Variants in TMEM63B observed in about 807,000 individuals in gnomAD.
TMEM63B encodes transmembrane protein 63B, also known as mechanosensitive cation channel TMEM63B.
A neutral mutation model predicts 102.6 loss-of-function variants in TMEM63B; 23 were observed. That is an observed-to-expected ratio of 0.22 (90% confidence interval 0.16 to 0.32). TMEM63B has a LOEUF of 0.32. TMEM63B is among the 10% of genes least tolerant of loss of function. TMEM63B has a pLI of 1.00. For synonymous variants in TMEM63B, 444 were observed against 437.0 expected (o/e 1.02, Z -0.20); for missense variants, 628 against 1,095.9 (o/e 0.57, Z 6.03).
chr6:44,136,569 G>A (rs56168551), intron 5 of TMEM63B, 130 bp downstream of exon 5: 155,328 of 684,290 alleles, frequency 0.23, 19,140 homozygotes, highest in African/African-American at 0.39. Flanking sequence ...CAAAGAAAGT[G>A]ATTCAACCAA....
chr6:44,138,666 G>A (rs563403790), intron 6 of TMEM63B, 149 bp downstream of exon 6: 8 of 845,812 alleles, frequency 9.5e-6, no homozygotes, highest in East Asian at 2.8e-5. Context: ...GCCAAGCCTC[G>A]GGTGCCTGAG....
chr6:44,154,429 C>G lies in TMEM63B; in HGVS notation c.2291C>G (p.Ala764Gly). ...RSNGRPPTAA[A>G]VPKSAKYIAQ... The stretch of plus-strand genomic sequence containing the variant: ...AATGGACGGCCCCCCACTGCTGCTG[C>G]TGTCCCCAAATCTGCGGTGAGTGCC... The change falls in exon 23 of 24, where the codon GCT becomes GGT. Residue 764 changes from alanine to glycine, a missense_variant. Ala to Gly is a moderately conservative substitution (Grantham distance 60). This residue lies in a region of TMEM63B where 129 missense variants were observed against 153.5 expected (regional missense o/e 0.84). Coordinates refer to ENST00000323267, the MANE Select transcript of TMEM63B (RefSeq NM_018426.3). 6.2e-7 allele frequency: 1 copy of G among 1,614,030 alleles called. No homozygotes were observed. The highest frequency in any genetic ancestry group is 1.7e-5 in the Admixed American group (1 of 60,008).
Position 44,153,694 on chromosome 6 carries a change from T to A in TMEM63B, c.1961T>A (p.Leu654Gln), listed in dbSNP as rs1248109436. ...CCCTTAGGGCTCATGTACATGCTGC[T>A]GAAGCACCTGGTAGACAGGTACAAT... ...IVPFGLMYMLLKHLVDRYNLY... is the reference protein window; with the variant it reads ...IVPFGLMYMLQKHLVDRYNLY... Residue 654 changes from leucine to glutamine, a missense_variant, in exon 21 of 24, where the codon CTG becomes CAG. By Grantham distance (113) the Leu-to-Gln change is moderately radical. Transcript: ENST00000323267. 1 of 1,613,878 alleles carries A rather than the reference T, an allele frequency of 6.2e-7. No individual in the cohort carries two copies. Among genetic ancestry groups the A allele is most frequent in the Non-Finnish European group, 8.5e-7 (1 of 1,179,976 alleles).
intron 15 of TMEM63B, among the ~76,000 whole-genome samples, chr6:44,149,595 G>A (rs184902463): frequency 5.6e-4 from 86 of 152,310 alleles, no homozygotes; most frequent in Admixed American, 1.2e-3. Flanking sequence ...TTATTGTGAG[G>A]ATTAAGACAT....
rs1177087033 is a variant in TMEM63B at position 44,154,907 on chromosome 6, C to T, written c.*24C>T. Reference sequence around the variant, plus strand: ...AAGGGGAGGGAGGGGCCCTGGAGGCCACATCCTGCCCCACCCCACCCCCAC... The same window carrying T: ...AAGGGGAGGGAGGGGCCCTGGAGGCTACATCCTGCCCCACCCCACCCCCAC... On this transcript the variant is annotated 3_prime_UTR_variant, in exon 24 of 24. Transcript: ENST00000323267. 3.3e-6 allele frequency: 5 copies of T among 1,494,800 alleles called. No individual in the cohort carries two copies. The highest frequency in any genetic ancestry group is 3.6e-6 in the Non-Finnish European group (4 of 1,123,176). The allele number at this position is 1,494,800 out of a possible 1,614,324, so 92.6% of individuals were successfully genotyped here. A position where few individuals can be genotyped will look rare whatever the true frequency, so the allele number is the denominator to read the frequency against.
Position 44,152,522 on chromosome 6 carries a change from C to G in TMEM63B, c.1837-71C>G. 1 of 1,143,860 alleles carries G rather than the reference C, an allele frequency of 8.7e-7. No individual in the cohort carries two copies. Among genetic ancestry groups the G allele is most frequent in the Non-Finnish European group, 1.3e-6 (1 of 769,664 alleles). The allele number at this position is 1,143,860 out of a possible 1,614,324, so 70.9% of individuals were successfully genotyped here. ...CCCAGAGGTCCTGGCTCCCTTCCCC[C>G]TCCCTCCTTCCCTGCCCCTCTGGTC... is the stretch of plus-strand genomic sequence containing the variant. On this transcript the variant is annotated intron_variant, in intron 19 of 23. Transcript: ENST00000323267. The surrounding 1 kb of genome is among the most constrained non-coding windows in gnomAD (Gnocchi z 6.4).
chr6:44,129,934 G>A (rs922980377), intron 1 of TMEM63B, among the ~76,000 whole-genome samples: 7 of 152,148 alleles, frequency 4.6e-5, no homozygotes, highest in African/African-American at 1.7e-4. Context: ...GGGTGACTAA[G>A]TAATTTTCCC....
intron 3 of TMEM63B, 53 bp downstream of exon 3, chr6:44,135,149 A>T: frequency 1.9e-6 from 3 of 1,603,206 alleles, no homozygotes; most frequent in Non-Finnish European, 2.6e-6. Flanking sequence ...CTTGTTCCAC[A>T]CTCCTCAGGA....
Position 44,148,272 on chromosome 6 carries a change from C to T in TMEM63B, c.1008C>T (p.Tyr336=), listed in dbSNP as rs777961601. ...GCEQVEAIEY[Y]TKLEQKLKED... is the part of the protein sequence containing the mutation. ...CAAAGGTGGAGGCCATTGAGTACTA[C>T]ACAAAGCTGGAGCAGAAGCTGAAGG... Residue 336 remains tyrosine, a synonymous_variant, in exon 13 of 24, where the codon TAC becomes TAT. Transcript: ENST00000323267. The surrounding 1 kb of genome is among the most constrained non-coding windows in gnomAD (Gnocchi z 5.1). 1.9e-6 allele frequency: 3 copies of T among 1,614,234 alleles called. No homozygotes were observed. In the South Asian group the frequency reaches 3.3e-5, roughly 18 times the overall value.
At chr6:44,144,763 A>T (rs529242852) in intron 10 of TMEM63B, among the ~76,000 whole-genome samples, 276 of 149,898 alleles carry the variant, frequency 1.8e-3, no homozygotes, top group African/African-American at 6.5e-3. Context: ...CACCTGGCTA[A>T]TTTTTTTTTC....
At position 44,154,457 on chromosome 6, in the gene TMEM63B, C is replaced by G. The variant is rs749049577; in HGVS notation, c.2307+12C>G. The G allele has an allele frequency of 2.5e-6, 4 of 1,613,782 alleles. No individual in the cohort carries two copies. In the South Asian group the frequency reaches 4.4e-5, roughly 18 times the overall value. Reference sequence around the variant, plus strand: ...TCCCCAAATCTGCGGTGAGTGCCCTCAAGGGTTGGGAGGGGCCTCTGACAG... The same window carrying G: ...TCCCCAAATCTGCGGTGAGTGCCCTGAAGGGTTGGGAGGGGCCTCTGACAG... On this transcript the variant is annotated intron_variant, in intron 23 of 23. Transcript: ENST00000323267.
At chr6:44,153,144 T>A (rs555332744) in intron 20 of TMEM63B, among the ~76,000 whole-genome samples, 3 of 152,376 alleles carry the variant, frequency 2.0e-5, no homozygotes, top group Admixed American at 6.5e-5. Flanking sequence ...GTATCTGAGC[T>A]ATGTGACTTG....
chr6:44,153,932 G>C (rs1321722209), intron 21 of TMEM63B, 89 bp downstream of exon 21: 2 of 1,573,084 alleles, frequency 1.3e-6, no homozygotes, highest in African/African-American at 2.7e-5. Context: ...ATGGCTGGGG[G>C]TGGCAGGCAA....
chr6:44,149,033 G>A, intron 15 of TMEM63B, 88 bp downstream of exon 15: 1 of 1,595,174 alleles, frequency 6.3e-7, no homozygotes, highest in East Asian at 2.2e-5. Flanking sequence ...GCCCAGCCCA[G>A]CCCGTTCTGC....
chr6:44,139,993 T>C (rs1763903116), intron 8 of TMEM63B, among the ~76,000 whole-genome samples: 1 of 152,086 alleles, frequency 6.6e-6, no homozygotes, highest in African/African-American at 2.4e-5. Flanking sequence ...GAGGGCCAGC[T>C]GGGGCAGTTG....
chr6:44,137,150 G>A (rs1763137120), intron 5 of TMEM63B, among the ~76,000 whole-genome samples: 2 of 152,220 alleles, frequency 1.3e-5, no homozygotes, highest in African/African-American at 4.8e-5. Flanking sequence ...GGCCATGTGG[G>A]GCCGGTTGAC....
At chr6:44,136,311 C>T in intron 4 of TMEM63B, 38 bp from the exon 5 acceptor site, 3 of 1,583,694 alleles carry the variant, frequency 1.9e-6, no homozygotes, top group Non-Finnish European at 2.6e-6. Context: ...GGCTCAGACT[C>T]ACCAGGCTCT....
chr6:44,136,239 C>CCTGTGCCTT (rs778204966), intron 4 of TMEM63B, 110 bp from the exon 5 acceptor site: 10 of 839,226 alleles, frequency 1.2e-5, no homozygotes, highest in South Asian at 4.3e-5. Context: ...CTCTGCGCTT[C>CCTGTGCCTT]CTGTGCCTTC....
chr6:44,150,054 T>G lies in TMEM63B; in HGVS notation c.1520+89T>G. 7.0e-7 allele frequency: 1 copy of G among 1,434,602 alleles called. No individual in the cohort carries two copies. Among genetic ancestry groups the G allele is most frequent in the South Asian group, 1.2e-5 (1 of 81,554 alleles). The allele number at this position is 1,434,602 out of a possible 1,614,324, so 88.9% of individuals were successfully genotyped here. On this transcript the variant is annotated intron_variant, in intron 16 of 23. Coordinates refer to ENST00000323267, the MANE Select transcript of TMEM63B (RefSeq NM_018426.3). The surrounding 1 kb of genome is among the most constrained non-coding windows in gnomAD (Gnocchi z 4.7). ...GGCAGCACTTTGCCCTTCAGGCTCCTGGCCCTGGGCAGTCCCACAGCTGGT... is the reference window on the plus strand; with the variant it reads ...GGCAGCACTTTGCCCTTCAGGCTCCGGGCCCTGGGCAGTCCCACAGCTGGT...
Sources: allele counts gnomAD v4.1 joint callset (sites outside exome capture counted in the v4.1 genomes callset), GRCh38; gene constraint gnomAD v4.1.1; regional missense constraint gnomAD v4.1.1; non-coding constraint Gnocchi (gnomAD v3.1); transcripts MANE v1.5; gene names NCBI Gene and HGNC (gene_info 2026-07-23, HGNC 2026-07-21).